Variants in CSMD1 observed in about 807,000 individuals in gnomAD.
CSMD1 encodes CUB and sushi domain-containing protein 1.
Under a neutral mutation model 417.5 loss-of-function variants are expected in CSMD1, and 213 were observed. The ratio of observed to expected loss-of-function variants is 0.51; its 90% confidence interval spans 0.46 to 0.57. The LOEUF is 0.57. Among genes scored for constraint, CSMD1 ranks in the 20% least tolerant of loss-of-function variants. The pLI, the probability that CSMD1 is intolerant of heterozygous loss-of-function variation, is 0.00. For missense variants in CSMD1, 6,923 were observed against 4,529.7 expected (o/e 1.53, Z -15.17); for synonymous variants, 2,862 against 1,736.8 (o/e 1.65, Z -16.11).
intron 3 of CSMD1, among the ~76,000 whole-genome samples, chr8:4,168,473 G>T (rs375002323): frequency 6.6e-6 from 1 of 151,958 alleles, no homozygotes; most frequent in African/African-American, 2.4e-5. Context: ...GAAAAGGGAT[G>T]TGGTAAAAGT....
intron 23 of CSMD1, among the ~76,000 whole-genome samples, chr8:3,310,449 G>A (rs1177107101): frequency 6.6e-6 from 1 of 152,166 alleles, no homozygotes; most frequent in African/African-American, 2.4e-5. Context: ...ATGACTTGTT[G>A]GAGGTGATGA....
At chr8:3,506,866 G>C (rs951371982) in intron 10 of CSMD1, among the ~76,000 whole-genome samples, 28 of 152,056 alleles carry the variant, frequency 1.8e-4, no homozygotes, top group African/African-American at 6.8e-4. Flanking sequence ...AAATATAAAA[G>C]TGTAATGACA....
intron 23 of CSMD1, among the ~76,000 whole-genome samples, chr8:3,320,662 G>C (rs1806093090): frequency 6.6e-6 from 1 of 152,190 alleles, no homozygotes; most frequent in Non-Finnish European, 1.5e-5. Flanking sequence ...TGGGACGCAA[G>C]AGCGCAGTTC....
intron 1 of CSMD1, among the ~76,000 whole-genome samples, chr8:4,950,389 A>G (rs1808659425): frequency 6.6e-6 from 1 of 151,494 alleles, no homozygotes; most frequent in Non-Finnish European, 1.5e-5. Context: ...TCATAGGACA[A>G]TGTTACCCAC....
At chr8:3,020,133 A>G (rs1490654823) in intron 51 of CSMD1, among the ~76,000 whole-genome samples, 3 of 152,158 alleles carry the variant, frequency 2.0e-5, no homozygotes, top group Non-Finnish European at 4.4e-5. Context: ...GCACTTGCCA[A>G]TTTTCTAAGT....
chr8:4,489,553 A>G lies in CSMD1; in HGVS notation c.303-69488T>C, dbSNP rs114435940. ...TCAATGATTGTGTGGCAGACAGGCT[A>G]TGAAGGTGCCACCCTCCCCATCCCT... On this transcript the variant is annotated intron_variant, in intron 2 of 69. Coordinates refer to ENST00000635120, the MANE Select transcript of CSMD1 (RefSeq NM_033225.6). Among the ~76,000 whole-genome samples the G allele has an allele frequency of 2.0e-5, 3 of 152,180 alleles. No homozygotes were observed. In the South Asian group the frequency reaches 6.2e-4, roughly 32 times the overall value.
chr8:3,850,165 G>C (rs1188240521), intron 5 of CSMD1, among the ~76,000 whole-genome samples: 1 of 152,216 alleles, frequency 6.6e-6, no homozygotes, highest in Non-Finnish European at 1.5e-5. Flanking sequence ...TGAATTTCAA[G>C]TGTCTGCTGT....
intron 1 of CSMD1, among the ~76,000 whole-genome samples, chr8:4,647,700 A>C (rs1803623810): frequency 6.6e-6 from 1 of 152,120 alleles, no homozygotes; most frequent in African/African-American, 2.4e-5. Flanking sequence ...TTTGCTGAGG[A>C]TGAAGCTTCC....
chr8:4,717,563 T>TATCTATCCATCC (rs765602082), intron 1 of CSMD1, among the ~76,000 whole-genome samples: 2,645 of 137,118 alleles, frequency 0.019, 52 homozygotes, highest in African/African-American at 0.044. Context: ...TCTATCTATC[T>TATCTATCCATCC]ATCCATCCAT....
intron 26 of CSMD1, among the ~76,000 whole-genome samples, chr8:3,247,890 G>C (rs1337718947): frequency 6.6e-6 from 1 of 152,186 alleles, no homozygotes; most frequent in Non-Finnish European, 1.5e-5. Context: ...TGGAATCCAT[G>C]CATTTTCATA....
intron 3 of CSMD1, among the ~76,000 whole-genome samples, chr8:4,057,871 G>T (rs971013486): frequency 5.9e-5 from 9 of 152,116 alleles, no homozygotes; most frequent in Non-Finnish European, 1.3e-4. Context: ...TCTGCAGGCT[G>T]TGTTCTGTTC....
chr8:3,509,155 C>G (rs1247578947), intron 10 of CSMD1, among the ~76,000 whole-genome samples: 2 of 152,084 alleles, frequency 1.3e-5, no homozygotes, highest in Non-Finnish European at 2.9e-5. Flanking sequence ...TAGATAAGGT[C>G]AACTCAAAAG....
chr8:4,227,212 T>C (rs1801412921), intron 3 of CSMD1, among the ~76,000 whole-genome samples: 1 of 152,158 alleles, frequency 6.6e-6, no homozygotes. Flanking sequence ...AAACTGAAAG[T>C]ACTGCATGAC....
chr8:3,361,662 A>AC (rs1458057312), intron 20 of CSMD1, among the ~76,000 whole-genome samples: 1 of 150,314 alleles, frequency 6.7e-6, no homozygotes, highest in South Asian at 2.1e-4. Context: ...AAAAAAAAAA[A>AC]AAAAAAAAAA....
chr8:3,359,531 G>T (rs994012408), intron 20 of CSMD1, among the ~76,000 whole-genome samples, 191 bp from the exon 21 acceptor site: 1 of 150,092 alleles, frequency 6.7e-6, no homozygotes, highest in African/African-American at 2.5e-5. Flanking sequence ...AAATGACATG[G>T]GATTTAGTAT....
At chr8:3,468,424 A>C (rs1008638887) in intron 12 of CSMD1, among the ~76,000 whole-genome samples, 2 of 152,188 alleles carry the variant, frequency 1.3e-5, no homozygotes, top group African/African-American at 2.4e-5. Context: ...ATATGGTCAA[A>C]AGATCCCCAC....
At chr8:4,511,590 T>A (rs1425112519) in intron 2 of CSMD1, among the ~76,000 whole-genome samples, 1 of 152,146 alleles carries the variant, frequency 6.6e-6, no homozygotes, top group African/African-American at 2.4e-5. Context: ...GACAATTTGC[T>A]GCTCCCAAGA....
At chr8:3,181,369 G>A (rs997607909) in intron 36 of CSMD1, among the ~76,000 whole-genome samples, 155 bp from the exon 37 acceptor site, 4 of 152,124 alleles carry the variant, frequency 2.6e-5, no homozygotes, top group Non-Finnish European at 1.5e-5. Flanking sequence ...TATGTATTCA[G>A]CCATTCTATT....
intron 8 of CSMD1, among the ~76,000 whole-genome samples, chr8:3,614,119 C>A (rs556992749): frequency 2.0e-5 from 3 of 152,156 alleles, no homozygotes; most frequent in Admixed American, 6.6e-5. Flanking sequence ...TAACATTTTA[C>A]ATGTGTATTT....
Sources: allele counts gnomAD v4.1 joint callset (sites outside exome capture counted in the v4.1 genomes callset), GRCh38; gene constraint gnomAD v4.1.1; transcripts MANE v1.5; gene names NCBI Gene and HGNC (gene_info 2026-07-23, HGNC 2026-07-21).